Variants in ADPGK observed in about 807,000 individuals in gnomAD.
The protein encoded by ADPGK is ADP-dependent glucokinase.
A neutral mutation model predicts 42.4 loss-of-function variants in ADPGK; 26 were observed. That is an observed-to-expected ratio of 0.61 (90% CI 0.45 to 0.85). The LOEUF is 0.85. Among genes scored for constraint, ADPGK ranks in the 40% least tolerant of loss-of-function variants. ADPGK has a pLI of 0.00. For missense variants in ADPGK, 571 were observed against 627.0 expected, an observed-to-expected ratio of 0.91 and a Z score of 0.95; for synonymous variants, 267 against 252.6, an observed-to-expected ratio of 1.06 and a Z score of -0.54.
intron 4 of ADPGK, 89 bp downstream of exon 4, chr15:72,760,316 CAA>C: frequency 5.7e-6 from 8 of 1,409,660 alleles, no homozygotes; most frequent in South Asian, 1.7e-5. Flanking sequence ...TGCTAATTTA[CAA>C]AGATAAATTT....
chr15:72,781,899 G>A lies in ADPGK; in HGVS notation c.233+1560C>T, dbSNP rs117764789. Among the ~76,000 whole-genome samples, 94 of 152,292 alleles carry A rather than the reference G, an allele frequency of 6.2e-4. No individual in the cohort carries two copies. The East Asian group carries it at 0.016, about 27-fold the overall frequency. Reference sequence around the variant, plus strand: ...GAGCCCTATTCCAAAAGGACCTAGTGTCCACATAAGAAGAATAAGAGGCAC... The same window carrying A: ...GAGCCCTATTCCAAAAGGACCTAGTATCCACATAAGAAGAATAAGAGGCAC... On this transcript the variant is annotated intron_variant, in intron 1 of 6. Transcript: ENST00000456471.
chr15:72,780,399 A>G (rs1297363363), intron 1 of ADPGK, among the ~76,000 whole-genome samples: 1 of 152,182 alleles, frequency 6.6e-6, no homozygotes, highest in Non-Finnish European at 1.5e-5. Flanking sequence ...CCCATGATTC[A>G]ATTACCTCCA....
chr15:72,757,212 T>C (rs2066127244), intron 4 of ADPGK: 1 of 151,006 alleles, frequency 6.6e-6, no homozygotes, highest in African/African-American at 2.4e-5. Context: ...TTTTTTTTTT[T>C]TTTTTTTCTT....
intron 2 of ADPGK, among the ~76,000 whole-genome samples, chr15:72,774,360 A>C (rs1472650916): frequency 6.6e-6 from 1 of 152,146 alleles, no homozygotes; most frequent in Admixed American, 6.5e-5. Flanking sequence ...ATGAGGGTAC[A>C]TGTAGGAGCA....
At chr15:72,756,732 T>A (rs1404631137) in intron 4 of ADPGK, 2 of 455,444 alleles carry the variant, frequency 4.4e-6, no homozygotes, top group Admixed American at 7.1e-5. Context: ...CTACTTGAGC[T>A]CTCAAACACA....
At position 72,783,688 on chromosome 15, in the gene ADPGK, C is replaced by G. The variant is rs1033761066; in HGVS notation, c.4G>C (p.Ala2Pro). Residue 2 changes from alanine to proline, a missense_variant, in exon 1 of 7, where the codon GCG becomes CCG. This residue lies in a region of ADPGK where 137 missense variants were observed against 104.2 expected (regional missense o/e 1.31). Coordinates refer to ENST00000456471, the MANE Select transcript of ADPGK (RefSeq NM_001365225.1). Reference sequence around the variant, plus strand: ...GCGTACGCGGAGCCGCGCCACAGCGCCATGGGGACCCAGGCGCCGCACCTG... The same window carrying G: ...GCGTACGCGGAGCCGCGCCACAGCGGCATGGGGACCCAGGCGCCGCACCTG... M[A>P]LWRGSAYAGF... is the part of the protein sequence containing the mutation. 1.2e-5 allele frequency: 17 copies of G among 1,478,016 alleles called. No individual in the cohort carries two copies. The highest frequency in any genetic ancestry group is 9.0e-5 in the South Asian group (7 of 77,388). The allele number at this position is 1,478,016 out of a possible 1,614,324, so 91.6% of individuals were successfully genotyped here. A position where few individuals can be genotyped will look rare whatever the true frequency, so the allele number is the denominator to read the frequency against.
rs912515847 is a variant in ADPGK, at chr15:72,760,291, G to C, written c.643+116C>G. 7 of 1,333,338 alleles carry C rather than the reference G, an allele frequency of 5.2e-6. No homozygotes were observed. In the African/African-American group the frequency reaches 1.0e-4, roughly 20 times the overall value. 82.6% of individuals were successfully genotyped at this position (1,333,338 alleles called of 1,614,324 possible). A position where few individuals can be genotyped will look rare whatever the true frequency, so the allele number is the denominator to read the frequency against. Reference sequence around the variant, plus strand: ...AATAGGTCAGGAAACTTTCAGTATGGCAAAAACAGGATCCTGCTAATTTAC... The same window carrying C: ...AATAGGTCAGGAAACTTTCAGTATGCCAAAAACAGGATCCTGCTAATTTAC... On this transcript the variant is annotated intron_variant, in intron 4 of 6. Coordinates refer to ENST00000456471, the MANE Select transcript of ADPGK (RefSeq NM_001365225.1).
intron 1 of ADPGK, 133 bp downstream of exon 1, chr15:72,783,326 C>A: frequency 7.8e-7 from 1 of 1,281,568 alleles, no homozygotes; most frequent in Non-Finnish European, 9.8e-7. Context: ...ACGTCCGACA[C>A]TTCTCGCCAA....
rs2066179408 is a variant in ADPGK, at chr15:72,760,536, A to C, written c.523-9T>G. On this transcript the variant is annotated splice_polypyrimidine_tract_variant and intron_variant, in intron 3 of 6. Coordinates refer to ENST00000456471, the MANE Select transcript of ADPGK (RefSeq NM_001365225.1). ...GGACCGCAAAGAAGAACCTGGAGGC[A>C]AGCAACACGAAGTCCATCAGGAGCC... 6.3e-7 allele frequency: 1 copy of C among 1,594,552 alleles called. No individual in the cohort carries two copies. The highest frequency in any genetic ancestry group is 8.6e-7 in the Non-Finnish European group (1 of 1,164,902).
intron 4 of ADPGK, 132 bp downstream of exon 4, chr15:72,760,275 G>C: frequency 4.9e-6 from 6 of 1,228,902 alleles, no homozygotes; most frequent in Non-Finnish European, 6.6e-6. Context: ...CAATAGGTCA[G>C]GAAACTTTCA....
Position 72,783,620 on chromosome 15 carries a change from C to T in ADPGK, c.72G>A (p.Glu24=), listed in dbSNP as rs1393427446. ...GCAGCGCCGAGCCTGGCAGCTCTGG[C>T]TCCAGCAGGAAGACGCAGCCCACGG... is the stretch of plus-strand genomic sequence containing the variant. The part of the protein sequence containing the change: ...ALAVGCVFLL[E]PELPGSALRS... Residue 24 remains glutamate (E), a synonymous_variant, in exon 1 of 7, where the codon GAG becomes GAA. Transcript: ENST00000456471. 2 of 1,515,540 alleles carry T rather than the reference C, an allele frequency of 1.3e-6. No homozygotes were observed. Among genetic ancestry groups the T allele is most frequent in the Non-Finnish European group, 1.8e-6 (2 of 1,139,800 alleles). The allele number at this position is 1,515,540 out of a possible 1,614,324, so 93.9% of individuals were successfully genotyped here.
At chr15:72,760,615 T>G in intron 3 of ADPGK, 88 bp from the exon 4 acceptor site, 1 of 1,416,220 alleles carries the variant, frequency 7.1e-7, no homozygotes, top group Non-Finnish European at 9.4e-7. Context: ...ACATTCAGGC[T>G]GATTCTAATC....
At position 72,775,064 on chromosome 15, in the gene ADPGK, C is replaced by T. The variant is rs761405719; in HGVS notation, c.267G>A (p.Gly89=). ...VNACVDVVLS[G]VKLLQALGLS... ...GGCCAAGTGCCTGCAAGAGCTTCAC[C>T]CCTGAGAGCACCACATCAACACATG... The change falls in exon 2 of 7, where the codon GGG becomes GGA. Residue 89 remains glycine, a synonymous_variant. Coordinates refer to ENST00000456471, the MANE Select transcript of ADPGK (RefSeq NM_001365225.1). The T allele has an allele frequency of 2.5e-6, 4 of 1,614,030 alleles. No individual in the cohort carries two copies. The highest frequency in any genetic ancestry group is 2.2e-5 in the East Asian group (1 of 44,892).
intron 3 of ADPGK, among the ~76,000 whole-genome samples, chr15:72,764,170 G>A (rs1045885745): frequency 3.3e-5 from 5 of 152,188 alleles, no homozygotes; most frequent in Non-Finnish European, 4.4e-5. Context: ...TAAGCTTAGC[G>A]ACGAAGGCAT....
At chr15:72,772,642 G>C (rs113220977) in intron 2 of ADPGK, among the ~76,000 whole-genome samples, 1 of 152,086 alleles carries the variant, frequency 6.6e-6, no homozygotes, top group Non-Finnish European at 1.5e-5. Context: ...TAGGTCCTTC[G>C]GGGCAGGGAC....
At position 72,755,241 on chromosome 15, in the gene ADPGK, T is replaced by C. The variant is rs1211352124; in HGVS notation, c.939+315A>G. Among the ~76,000 whole-genome samples, 6 of 152,268 alleles carry C rather than the reference T, an allele frequency of 3.9e-5. No homozygotes were observed. The South Asian group carries it at 1.2e-3, about 31-fold the overall frequency. On this transcript the variant is annotated intron_variant, in intron 6 of 6. Coordinates refer to ENST00000456471, the MANE Select transcript of ADPGK (RefSeq NM_001365225.1). ...TCAAAGTTTCTTTGCTTTGAGCTTCTTGAAGTTCAACTGAAAGCAGCTGAG... is the reference window on the plus strand; with the variant it reads ...TCAAAGTTTCTTTGCTTTGAGCTTCCTGAAGTTCAACTGAAAGCAGCTGAG...
At chr15:72,768,206 T>A (rs1374696566) in intron 3 of ADPGK, among the ~76,000 whole-genome samples, 1 of 150,506 alleles carries the variant, frequency 6.6e-6, no homozygotes, top group Non-Finnish European at 1.5e-5. Flanking sequence ...CTACTAAAGC[T>A]CATTTAAAAA....
chr15:72,772,732 A>G (rs1595801265), intron 2 of ADPGK, among the ~76,000 whole-genome samples: 1 of 152,192 alleles, frequency 6.6e-6, no homozygotes, highest in East Asian at 1.9e-4. Flanking sequence ...GTTGGGAAAC[A>G]TAAAAGTTTT....
At chr15:72,756,529 C>G (rs1000152365) in intron 4 of ADPGK, 82 bp from the exon 5 acceptor site, 2 of 1,458,844 alleles carry the variant, frequency 1.4e-6, no homozygotes, top group African/African-American at 2.8e-5. Flanking sequence ...TCAGGCACCT[C>G]ACAGGAGCCT....
Sources: gnomAD v4.1 joint callset for allele counts (sites outside exome capture counted in the v4.1 genomes callset) on GRCh38, gnomAD v4.1.1 for gene constraint, gnomAD v4.1.1 regional missense constraint, MANE v1.5 for transcripts, NCBI Gene and HGNC (gene_info 2026-07-23, HGNC 2026-07-21) for gene names.